Variants in EGFR observed in about 807,000 individuals in gnomAD.
EGFR encodes avian erythroblastic leukemia viral (v-erb-b) oncogene homolog.
A neutral mutation model predicts 143.0 loss-of-function variants in EGFR; 58 were observed. The observed-to-expected ratio is 0.41, with a 90% CI of 0.33 to 0.50. The LOEUF is 0.50. EGFR is among the 20% of genes least tolerant of loss of function. The pLI is 0.39. For synonymous variants in EGFR, 613 were observed against 594.4 expected, an observed-to-expected ratio of 1.03 and a Z score of -0.45; for missense variants, 1,307 against 1,579.0, an observed-to-expected ratio of 0.83 and a Z score of 2.92.
Position 55,197,927 on chromosome 7 carries a change from C to T in EGFR, c.2702-790C>T, listed in dbSNP as rs545446384. ...AGTATTTTGTTGAGGATTTTTATGT[C>T]TATGTTCATCAGAGATATTGGCCTG... On this transcript the variant is annotated intron_variant, in intron 22 of 27. Transcript: ENST00000275493. Among the ~76,000 whole-genome samples the T allele has an allele frequency of 1.2e-4, 19 of 152,258 alleles. No individual in the cohort carries two copies. The East Asian group carries it at 1.7e-3, about 14-fold the overall frequency.
At chr7:55,146,878 A>G in intron 4 of EGFR, 138 bp downstream of exon 4, 1 of 1,277,422 alleles carries the variant, frequency 7.8e-7, no homozygotes, top group Non-Finnish European at 1.1e-6. Flanking sequence ...ATATCTGACC[A>G]CTAGAAAAGC....
intron 1 of EGFR, among the ~76,000 whole-genome samples, chr7:55,127,877 C>G (rs1331458577): frequency 6.6e-6 from 1 of 152,196 alleles, no homozygotes; most frequent in Non-Finnish European, 1.5e-5. Flanking sequence ...CACCAGGCCC[C>G]GCTCTCAGCC....
chr7:55,163,334 G>A (rs1402351462), intron 13 of EGFR, among the ~76,000 whole-genome samples: 2 of 152,156 alleles, frequency 1.3e-5, no homozygotes, highest in South Asian at 2.1e-4. Flanking sequence ...ACCATTGAGC[G>A]AGTTCATTCT....
intron 23 of EGFR, 105 bp from the exon 24 acceptor site, chr7:55,200,211 A>C: frequency 9.1e-7 from 1 of 1,098,776 alleles, no homozygotes; most frequent in Non-Finnish European, 1.4e-6. Context: ...TTCATCACTT[A>C]TTTGACTGGA....
At chr7:55,201,839 T>TA in intron 26 of EGFR, 57 bp downstream of exon 26, 1 of 1,581,356 alleles carries the variant, frequency 6.3e-7, no homozygotes, top group Non-Finnish European at 8.7e-7. Flanking sequence ...GGCTCTATTT[T>TA]ACATGGAAAA....
intron 1 of EGFR, among the ~76,000 whole-genome samples, chr7:55,128,628 C>A (rs1009547636): frequency 6.6e-6 from 1 of 152,198 alleles, no homozygotes; most frequent in Admixed American, 6.5e-5. Flanking sequence ...GCAATGATAT[C>A]TTTTCTTGTC....
chr7:55,103,924 C>T (rs1791970845), intron 1 of EGFR, among the ~76,000 whole-genome samples: 2 of 152,168 alleles, frequency 1.3e-5, no homozygotes, highest in African/African-American at 2.4e-5. Flanking sequence ...TCTGAAATGA[C>T]ATTGTTTCTA....
At chr7:55,132,914 C>T (rs551906225) in intron 1 of EGFR, among the ~76,000 whole-genome samples, 1 of 152,316 alleles carries the variant, frequency 6.6e-6, no homozygotes, top group South Asian at 2.1e-4. Context: ...GTGGAGTGAG[C>T]CTGGCCAAAG....
intron 1 of EGFR, among the ~76,000 whole-genome samples, chr7:55,041,401 A>G (rs1029935282): frequency 6.6e-6 from 1 of 151,928 alleles, no homozygotes; most frequent in Admixed American, 6.6e-5. Flanking sequence ...AAAGAGCGAC[A>G]CTCCATCGCA....
chr7:55,161,464 G>A (rs553600396), intron 12 of EGFR, 35 bp from the exon 13 acceptor site: 2 of 1,607,178 alleles, frequency 1.2e-6, no homozygotes, highest in Non-Finnish European at 1.7e-6. Context: ...TCCCTGCTCT[G>A]TCACTGACTG....
Position 55,200,170 on chromosome 7 carries a change from A to T in EGFR, c.2849-146A>T, listed in dbSNP as rs1562804633. 10 of 805,314 alleles carry T rather than the reference A, an allele frequency of 1.2e-5. No homozygotes were observed. The South Asian group carries it at 1.4e-4, about 11-fold the overall frequency. The allele number at this position is 805,314 out of a possible 1,614,324, so 49.9% of individuals were successfully genotyped here. Reference sequence around the variant, plus strand: ...CAGTAACCAGTACTAGCTGGCCAAGACAGAAAAGTCTACCACAAAGACTTG... The same window carrying T: ...CAGTAACCAGTACTAGCTGGCCAAGTCAGAAAAGTCTACCACAAAGACTTG... On this transcript the variant is annotated intron_variant, in intron 23 of 27. Coordinates refer to ENST00000275493, the MANE Select transcript of EGFR (RefSeq NM_005228.5).
intron 1 of EGFR, chr7:55,043,793 T>A (rs2128870580): frequency 6.6e-6 from 1 of 152,376 alleles, no homozygotes; most frequent in African/African-American, 2.4e-5. Context: ...TAAAATTGCA[T>A]AAGAATGCAG....
chr7:55,155,749 C>G lies in EGFR; in HGVS notation c.890-81C>G, dbSNP rs1369465611. On this transcript the variant is annotated intron_variant, in intron 7 of 27. Coordinates refer to ENST00000275493, the MANE Select transcript of EGFR (RefSeq NM_005228.5). ...AGGATGGAGCCTTTCCATCACCCCTCAAGAGGACCTGGACCGCCTGTGTGA... is the reference window on the plus strand; with the variant it reads ...AGGATGGAGCCTTTCCATCACCCCTGAAGAGGACCTGGACCGCCTGTGTGA... The G allele has an allele frequency of 7.5e-6, 8 of 1,070,884 alleles. No individual in the cohort carries two copies. The East Asian group carries it at 1.9e-4, about 25-fold the overall frequency. 66.3% of individuals were successfully genotyped at this position (1,070,884 alleles called of 1,614,324 possible). A position where few individuals can be genotyped will look rare whatever the true frequency, so the allele number is the denominator to read the frequency against.
chr7:55,137,636 C>G (rs1194201838), intron 1 of EGFR, among the ~76,000 whole-genome samples: 6 of 152,184 alleles, frequency 3.9e-5, no homozygotes, highest in African/African-American at 1.4e-4. Context: ...CTTCGTATAT[C>G]CACTTTCCTG....
intron 1 of EGFR, among the ~76,000 whole-genome samples, chr7:55,061,356 G>C (rs528287621): frequency 6.6e-6 from 1 of 152,280 alleles, no homozygotes; most frequent in South Asian, 2.1e-4. Context: ...TCTTCCCACT[G>C]TTGTCAGCTG....
chr7:55,185,968 A>G lies in EGFR; in HGVS notation c.2469+4490A>G, dbSNP rs189720401. Among the ~76,000 whole-genome samples the G allele has an allele frequency of 1.1e-4, 16 of 152,368 alleles. No individual in the cohort carries two copies. In the East Asian group the frequency reaches 3.1e-3, roughly 29 times the overall value. On this transcript the variant is annotated intron_variant, in intron 20 of 27. Coordinates refer to ENST00000275493, the MANE Select transcript of EGFR (RefSeq NM_005228.5). ...TGCTTTCACGGCTCTGCTACTGACAAGAAGCCCCAGTGCCTGTGAGCTGCT... is the reference window on the plus strand; with the variant it reads ...TGCTTTCACGGCTCTGCTACTGACAGGAAGCCCCAGTGCCTGTGAGCTGCT...
At chr7:55,082,861 G>A (rs1273457603) in intron 1 of EGFR, among the ~76,000 whole-genome samples, 1 of 152,182 alleles carries the variant, frequency 6.6e-6, no homozygotes, top group Non-Finnish European at 1.5e-5. Flanking sequence ...TCTGAAACCT[G>A]CTGAGGATGA....
At position 55,181,550 on chromosome 7, in the gene EGFR, G is replaced by A. The variant is rs182499837; in HGVS notation, c.2469+72G>A. The stretch of plus-strand genomic sequence containing the variant: ...TCCTCACATGCGGTCTGCGCTCCTG[G>A]GATAGCAAGAGTTTGCCATGGGGAT... On this transcript the variant is annotated intron_variant, in intron 20 of 27. Transcript: ENST00000275493. 1,258 of 1,588,008 alleles carry A rather than the reference G, an allele frequency of 7.9e-4. 12 individuals are homozygous for A. The highest frequency in any genetic ancestry group is 2.0e-4 in the East Asian group (9 of 44,732).
At chr7:55,044,723 C>T (rs984512006) in intron 1 of EGFR, among the ~76,000 whole-genome samples, 9 of 152,194 alleles carry the variant, frequency 5.9e-5, no homozygotes, top group African/African-American at 4.8e-5. Context: ...CGCCGCCCCC[C>T]GCATAACTCG....
Sources: allele counts gnomAD v4.1 joint callset (sites outside exome capture counted in the v4.1 genomes callset), GRCh38; gene constraint gnomAD v4.1.1; transcripts MANE v1.5; gene names NCBI Gene and HGNC (gene_info 2026-07-23, HGNC 2026-07-21).